Variants in SMAD9 observed in about 807,000 individuals in gnomAD.
The protein encoded by SMAD9 is MAD homolog 9.
Under a neutral mutation model 46.1 loss-of-function variants are expected in SMAD9, and 36 were observed. The ratio of observed to expected loss-of-function variants is 0.78; its 90% CI spans 0.60 to 1.03. The LOEUF is 1.03. SMAD9 is among the 50% of genes least tolerant of loss of function. The pLI, the probability that SMAD9 is intolerant of heterozygous loss-of-function variation, is 0.00. For missense variants in SMAD9, 572 were observed against 599.8 expected (o/e 0.95, Z 0.48); for synonymous variants, 245 against 237.1 (o/e 1.03, Z -0.31).
chr13:36,895,336 T>C (rs1385345500), intron 1 of SMAD9, among the ~76,000 whole-genome samples: 1 of 152,178 alleles, frequency 6.6e-6, no homozygotes, highest in Non-Finnish European at 1.5e-5. Flanking sequence ...GATCTAAAGA[T>C]CTAGCATAGG....
intron 1 of SMAD9, among the ~76,000 whole-genome samples, chr13:36,886,229 C>T (rs1257897438): frequency 2.6e-5 from 4 of 152,234 alleles, no homozygotes; most frequent in Non-Finnish European, 5.9e-5. Flanking sequence ...TGGCTCCATA[C>T]ATCCTAAACC....
Position 36,896,775 on chromosome 13 carries a change from A to G in SMAD9, c.-186-16900T>C, listed in dbSNP as rs546692214. 1.5e-3 allele frequency among the ~76,000 whole-genome samples: 198 copies of G among 136,012 alleles called. 1 individual carries two copies. Among genetic ancestry groups the G allele is most frequent in the African/African-American group, 5.2e-3 (193 of 37,190 alleles). The allele number at this position is 136,012 out of a possible 152,430, so 89.2% of individuals were successfully genotyped here. Reference sequence around the variant, plus strand: ...ACCAACATTTTTGTGTATTTTTTCTAAATAAACTTTTTTAAATAATTCATT... The same window carrying G: ...ACCAACATTTTTGTGTATTTTTTCTGAATAAACTTTTTTAAATAATTCATT... On this transcript the variant is annotated intron_variant, in intron 1 of 6. Transcript: ENST00000379826.
chr13:36,893,189 GATTA>G lies in SMAD9; in HGVS notation c.-186-13318_-186-13315del, dbSNP rs554895228. On this transcript the variant is annotated intron_variant, in intron 1 of 6. Transcript: ENST00000379826. ...TAGTTTCCAAACATCAGGTAGAAAT[GATTA>G]ATGAAACCAATTCATTGGATCTCAA... 2.0e-3 allele frequency among the ~76,000 whole-genome samples: 302 copies of G among 151,942 alleles called. 2 individuals carry two copies. Among genetic ancestry groups the G allele is most frequent in the African/African-American group, 6.6e-3 (274 of 41,492 alleles).
Position 36,872,729 on chromosome 13 carries a change from G to C in SMAD9, c.599C>G (p.Ser200Cys), listed in dbSNP as rs145148506. ...PPSPSHAFSQ[S>C]PCTASYPHSP... ...GTGAGGGTAGCTGGCCGTGCACGGG[G>C]ACTGGGAGAACGCGTGGCTGGGTGA... Residue 200 changes from serine to cysteine, a missense_variant, in exon 3 of 7, where the codon TCC becomes TGC. Physicochemically the swap from Ser to Cys is moderately radical, Grantham distance 112. Transcript: ENST00000379826. The C allele has an allele frequency of 4.3e-6, 7 of 1,614,052 alleles. No individual in the cohort carries two copies. Among genetic ancestry groups the C allele is most frequent in the Admixed American group, 1.7e-5 (1 of 60,012 alleles).
intron 1 of SMAD9, among the ~76,000 whole-genome samples, chr13:36,913,671 C>G (rs1033413438): frequency 6.6e-6 from 1 of 152,146 alleles, no homozygotes; most frequent in African/African-American, 2.4e-5. Context: ...TTTGTGTAAA[C>G]ATATAGTCAA....
intron 5 of SMAD9, among the ~76,000 whole-genome samples, chr13:36,859,428 G>A (rs2058157919): frequency 6.6e-6 from 1 of 152,220 alleles, no homozygotes; most frequent in African/African-American, 2.4e-5. Context: ...CATAGGATGA[G>A]ATAGGTTGGC....
rs141175555 is a variant in SMAD9, at chr13:36,914,257, C to T, written c.-187+5859G>A. On this transcript the variant is annotated intron_variant, in intron 1 of 6. Coordinates refer to ENST00000379826, the MANE Select transcript of SMAD9 (RefSeq NM_001127217.3). ...CTCTCGGGCCAGGCGCGGTGGATCA[C>T]GCCTGTAAACCCAGCACTTTGGGAG... is the stretch of plus-strand genomic sequence containing the variant. Among the ~76,000 whole-genome samples, 339 of 152,324 alleles carry T rather than the reference C, an allele frequency of 2.2e-3. 2 individuals carry two copies. Among genetic ancestry groups the T allele is most frequent in the African/African-American group, 7.9e-3 (327 of 41,570 alleles).
chr13:36,875,425 T>C (rs1458992018), intron 2 of SMAD9, among the ~76,000 whole-genome samples: 1 of 152,180 alleles, frequency 6.6e-6, no homozygotes, highest in African/African-American at 2.4e-5. Flanking sequence ...GAGAAACAAA[T>C]AATTTCTTCC....
chr13:36,880,378 C>A (rs1360144488), intron 1 of SMAD9, among the ~76,000 whole-genome samples: 1 of 152,206 alleles, frequency 6.6e-6, no homozygotes, highest in Non-Finnish European at 1.5e-5. Context: ...CTGGGTTTTT[C>A]CAGGGCCTCC....
intron 2 of SMAD9, 116 bp downstream of exon 2, chr13:36,879,162 T>TC (rs10660759): frequency 2.5e-3 from 2,130 of 850,898 alleles, no homozygotes; most frequent in East Asian, 6.9e-3. Context: ...CTCTCCTCTC[T>TC]TCTCTCTCTC....
At chr13:36,895,592 T>A (rs1347135276) in intron 1 of SMAD9, among the ~76,000 whole-genome samples, 2 of 152,208 alleles carry the variant, frequency 1.3e-5, no homozygotes, top group Non-Finnish European at 2.9e-5. Flanking sequence ...TTCTGCTCAA[T>A]AATCACAAGA....
At chr13:36,882,531 C>G (rs2058413184) in intron 1 of SMAD9, among the ~76,000 whole-genome samples, 1 of 152,090 alleles carries the variant, frequency 6.6e-6, no homozygotes, top group Non-Finnish European at 1.5e-5. Flanking sequence ...TTACAGTGGT[C>G]TCACGACAGT....
chr13:36,859,960 CAA>C (rs879463884), intron 5 of SMAD9, among the ~76,000 whole-genome samples: 1 of 129,812 alleles, frequency 7.7e-6, no homozygotes. Context: ...AACTCCATCT[CAA>C]AAAAAAAAAG....
At chr13:36,851,598 A>G (rs1338765381) in intron 6 of SMAD9, 2 of 266,482 alleles carry the variant, frequency 7.5e-6, no homozygotes, top group Non-Finnish European at 5.8e-6. Context: ...TGGCCTGCAC[A>G]TGGCAGGTGC....
intron 5 of SMAD9, among the ~76,000 whole-genome samples, chr13:36,853,886 C>G (rs1020306622): frequency 6.6e-6 from 1 of 152,124 alleles, no homozygotes; most frequent in Non-Finnish European, 1.5e-5. Context: ...CAGCTGGGTG[C>G]GGTGGCTCAC....
chr13:36,883,185 A>C (rs1593594583), intron 1 of SMAD9, among the ~76,000 whole-genome samples: 1 of 152,244 alleles, frequency 6.6e-6, no homozygotes, highest in South Asian at 2.1e-4. Context: ...ACAGACTCTA[A>C]GCTCTAACCT....
chr13:36,861,470 A>G (rs1266020107), intron 5 of SMAD9, among the ~76,000 whole-genome samples: 3 of 151,436 alleles, frequency 2.0e-5, no homozygotes, highest in African/African-American at 2.4e-5. Flanking sequence ...ACCCGCCACC[A>G]CACCCGGCTA....
At chr13:36,854,135 G>A (rs1358710577) in intron 5 of SMAD9, among the ~76,000 whole-genome samples, 1 of 151,570 alleles carries the variant, frequency 6.6e-6, no homozygotes, top group Non-Finnish European at 1.5e-5. Context: ...CTCCAGCCTG[G>A]GTGACAGAGC....
chr13:36,861,208 G>C (rs1309620154), intron 5 of SMAD9, among the ~76,000 whole-genome samples: 5 of 152,194 alleles, frequency 3.3e-5, no homozygotes, highest in African/African-American at 4.8e-5. Context: ...CTTTAGCAGG[G>C]CCAGCCATTT....
Sources: allele counts gnomAD v4.1 joint callset (sites outside exome capture counted in the v4.1 genomes callset), GRCh38; gene constraint gnomAD v4.1.1; transcripts MANE v1.5; gene names NCBI Gene and HGNC (gene_info 2026-07-23, HGNC 2026-07-21).